The following SPRED2 variants were observed in gnomAD, a reference collection of about 807,000 sequenced individuals.
SPRED2 encodes sprouty-related, EVH1 domain-containing protein 2.
SPRED2 carries 47 observed loss-of-function variants against 43.0 expected under a neutral mutation model. The ratio of observed to expected loss-of-function variants is 1.09; its 90% CI spans 0.87 to 1.40. The LOEUF (loss-of-function observed/expected upper bound fraction) is 1.40, where lower values mean the gene tolerates loss of function less well. SPRED2 is among the 40% of genes most tolerant of loss of function. The pLI is 0.00. For synonymous variants in SPRED2, 225 were observed against 225.7 expected, an observed-to-expected ratio of 1.00 and a Z score of 0.03; for missense variants, 561 against 586.4, an observed-to-expected ratio of 0.96 and a Z score of 0.45.
At chr2:65,344,610 G>T (rs185808370) in intron 2 of SPRED2, 109 bp downstream of exon 2, 7 of 1,406,896 alleles carry the variant, frequency 5.0e-6, no homozygotes, top group African/African-American at 1.4e-5. Flanking sequence ...GCAAGAGTTT[G>T]AAGTCAGAGA....
At chr2:65,315,431 T>C (rs17030170) in intron 5 of SPRED2, among the ~76,000 whole-genome samples, 4,842 of 152,256 alleles carry the variant, frequency 0.032, 272 homozygotes, top group African/African-American at 0.11. Flanking sequence ...CATGCGCTTA[T>C]TAGATTTACC....
At chr2:65,423,701 G>T (rs1207292524) in intron 1 of SPRED2, among the ~76,000 whole-genome samples, 1 of 151,948 alleles carries the variant, frequency 6.6e-6, no homozygotes, top group Admixed American at 6.6e-5. Flanking sequence ...ACCTGGGGTA[G>T]ATGGATGCTA....
At chr2:65,401,667 G>A (rs1381667517) in intron 1 of SPRED2, among the ~76,000 whole-genome samples, 6 of 151,726 alleles carry the variant, frequency 4.0e-5, no homozygotes, top group African/African-American at 7.3e-5. Context: ...GCATGGTGGC[G>A]GGCGCGCCTG....
In SPRED2 at chr2:65,313,748, A is replaced by C; in HGVS notation, c.1010T>G (p.Ile337Ser). ...GCACCACATGCAGCTCACCCGGCGG[A>C]TGCAAGTTCTCACGGAGTCGGGCGC... ...QDAPDSVRTC[I>S]RRVSCMWCAD... The change falls in exon 6 of 6, where the codon ATC (isoleucine) becomes AGC (serine). Residue 337 changes from isoleucine (I) to serine (S), a missense_variant. Transcript: ENST00000356388. 6.2e-7 allele frequency: 1 copy of C among 1,614,170 alleles called. No individual in the cohort carries two copies. Among genetic ancestry groups the C allele is most frequent in the Non-Finnish European group, 8.5e-7 (1 of 1,180,026 alleles).
intron 1 of SPRED2, among the ~76,000 whole-genome samples, chr2:65,407,913 G>A (rs2103750231): frequency 6.6e-6 from 1 of 152,308 alleles, no homozygotes; most frequent in South Asian, 2.1e-4. Context: ...CAAAAGCTGG[G>A]CAAGGGAGCC....
intron 1 of SPRED2, among the ~76,000 whole-genome samples, chr2:65,371,933 G>A (rs777602620): frequency 1.3e-5 from 2 of 152,018 alleles, no homozygotes; most frequent in Non-Finnish European, 2.9e-5. Flanking sequence ...AAAATTATCC[G>A]GGTGTGGTGG....
chr2:65,408,550 A>C (rs1558688216), intron 1 of SPRED2, among the ~76,000 whole-genome samples: 1 of 151,972 alleles, frequency 6.6e-6, no homozygotes, highest in Non-Finnish European at 1.5e-5. Flanking sequence ...CCCAGTCGCC[A>C]GCCACAGGAA....
intron 1 of SPRED2, among the ~76,000 whole-genome samples, chr2:65,355,844 T>C (rs768151733): frequency 2.6e-4 from 39 of 152,358 alleles, no homozygotes; most frequent in Middle Eastern, 6.8e-3. Context: ...CTTCTACTTT[T>C]TATTCCAGAA....
At chr2:65,399,849 A>T (rs1675842521) in intron 1 of SPRED2, among the ~76,000 whole-genome samples, 1 of 152,192 alleles carries the variant, frequency 6.6e-6, no homozygotes, top group South Asian at 2.1e-4. Context: ...AGGATAAAAG[A>T]TTACACATTG....
At chr2:65,369,357 G>T (rs1292826847) in intron 1 of SPRED2, among the ~76,000 whole-genome samples, 1 of 152,036 alleles carries the variant, frequency 6.6e-6, no homozygotes, top group East Asian at 1.9e-4. Context: ...GTTTTTCTAG[G>T]CTTGCATTTT....
At chr2:65,314,336 C>T (rs1194245812) in intron 5 of SPRED2, among the ~76,000 whole-genome samples, 167 bp from the exon 6 acceptor site, 1 of 152,244 alleles carries the variant, frequency 6.6e-6, no homozygotes, top group Non-Finnish European at 1.5e-5. Context: ...TACTGAATAT[C>T]CTGTCGCCCA....
intron 1 of SPRED2, among the ~76,000 whole-genome samples, chr2:65,368,219 C>G (rs1051506244): frequency 1.3e-5 from 2 of 152,174 alleles, no homozygotes; most frequent in African/African-American, 4.8e-5. Flanking sequence ...AGGACCCTGT[C>G]TAATAGGACT....
chr2:65,360,069 A>AAC (rs1553421466), intron 1 of SPRED2, among the ~76,000 whole-genome samples: 5 of 123,132 alleles, frequency 4.1e-5, no homozygotes, highest in African/African-American at 1.4e-4. Context: ...CATCTCAAAA[A>AAC]AAAAAAAAAC....
At chr2:65,401,654 C>T (rs55633417) in intron 1 of SPRED2, among the ~76,000 whole-genome samples, 40,506 of 151,186 alleles carry the variant, frequency 0.27, 6,753 homozygotes, top group East Asian at 0.68. Flanking sequence ...AAAAATTAGC[C>T]GGGCATGGTG....
At chr2:65,393,290 T>A (rs574142126) in intron 1 of SPRED2, among the ~76,000 whole-genome samples, 1 of 152,108 alleles carries the variant, frequency 6.6e-6, no homozygotes, top group South Asian at 2.1e-4. Context: ...AAAATTGCTA[T>A]TTTATGCAAT....
chr2:65,429,835 C>T (rs7569084), intron 1 of SPRED2, among the ~76,000 whole-genome samples: 92,145 of 151,968 alleles, frequency 0.61, 29,414 homozygotes, highest in African/African-American at 0.78. Context: ...CAACTGGACT[C>T]GTGACAGCAG....
At chr2:65,395,557 A>G (rs1443076723) in intron 1 of SPRED2, among the ~76,000 whole-genome samples, 1 of 152,032 alleles carries the variant, frequency 6.6e-6, no homozygotes, top group Admixed American at 6.6e-5. Flanking sequence ...TAGTGTCTTG[A>G]CTTACCTCTG....
chr2:65,320,253 T>C, intron 4 of SPRED2, among the ~76,000 whole-genome samples: 1 of 152,212 alleles, frequency 6.6e-6, no homozygotes, highest in East Asian at 1.9e-4. Flanking sequence ...TACTTAGTTC[T>C]CAGAAGCCCA....
chr2:65,366,088 G>C (rs553787027), intron 1 of SPRED2, among the ~76,000 whole-genome samples: 1 of 152,228 alleles, frequency 6.6e-6, no homozygotes, highest in East Asian at 1.9e-4. Context: ...GGGGAATAAA[G>C]CTTTCTTGCA....
Sources: gnomAD v4.1 joint callset for allele counts (sites outside exome capture counted in the v4.1 genomes callset) on GRCh38, gnomAD v4.1.1 for gene constraint, MANE v1.5 for transcripts, NCBI Gene and HGNC (gene_info 2026-07-23, HGNC 2026-07-21) for gene names.